The following RAB37 variants were observed in gnomAD, a reference collection of about 807,000 sequenced individuals.
RAB37 encodes RAB37, member RAS oncogene family.
Under a neutral mutation model 33.1 loss-of-function variants are expected in RAB37, and 29 were observed. That is an observed-to-expected ratio of 0.88 (90% CI 0.65 to 1.20). RAB37 has a LOEUF of 1.20. RAB37 is among the 50% of genes most tolerant of loss of function. The pLI is 0.00. For synonymous variants in RAB37, 128 were observed against 119.5 expected (o/e 1.07, Z -0.47); for missense variants, 299 against 301.1 (o/e 0.99, Z 0.05).
At chr17:74,680,067 G>C (rs943819104) in intron 1 of RAB37, among the ~76,000 whole-genome samples, 10 of 151,656 alleles carry the variant, frequency 6.6e-5, no homozygotes, top group South Asian at 2.1e-4. Context: ...CATTACAGCA[G>C]ACCCTTAGAT....
chr17:74,688,569 A>G (rs1313324555), intron 1 of RAB37, among the ~76,000 whole-genome samples: 1 of 151,680 alleles, frequency 6.6e-6, no homozygotes, highest in Non-Finnish European at 1.5e-5. Context: ...AAAAAAAAGA[A>G]AAGAAAAGAA....
At chr17:74,714,983 G>A (rs1444597426) in intron 1 of RAB37, among the ~76,000 whole-genome samples, 1 of 152,182 alleles carries the variant, frequency 6.6e-6, no homozygotes, top group Admixed American at 6.5e-5. Context: ...TTAGCCGGGT[G>A]TGGTGGTGGG....
chr17:74,731,081 T>C (rs1467397971), intron 2 of RAB37, among the ~76,000 whole-genome samples: 1 of 152,184 alleles, frequency 6.6e-6, no homozygotes, highest in East Asian at 1.9e-4. Flanking sequence ...AGTGAGGACC[T>C]GAGCCCCTGG....
intron 1 of RAB37, among the ~76,000 whole-genome samples, chr17:74,685,264 A>C (rs1206734695): frequency 1.3e-5 from 2 of 152,108 alleles, no homozygotes; most frequent in Non-Finnish European, 2.9e-5. Context: ...GGCTCACTGC[A>C]ACCTCTGCCT....
In RAB37 at chr17:74,703,245, C is replaced by A. The variant is rs749780; in HGVS notation, c.73-26011C>A. The stretch of plus-strand genomic sequence containing the variant: ...CTCTGAGCCTGGGCGGGGGTCTGGA[C>A]TGCTACTATGGGAAGGGGCTGCAGC... On this transcript the variant is annotated intron_variant, in intron 1 of 7. Coordinates refer to the RAB37 transcript ENST00000340415. 0.67 allele frequency: 613,072 copies of A among 918,594 alleles called. 216,342 individuals are homozygous for A. The highest frequency in any genetic ancestry group is 0.8 in the Middle Eastern group (2,282 of 2,840). The allele number at this position is 918,594 out of a possible 1,614,324, so 56.9% of individuals were successfully genotyped here.
In RAB37 at chr17:74,703,285, T is replaced by C. The variant is rs2033229364; in HGVS notation, c.73-25971T>C. 3 of 629,464 alleles carry C rather than the reference T, an allele frequency of 4.8e-6. No individual in the cohort carries two copies. In the South Asian group the frequency reaches 5.7e-5, roughly 12 times the overall value. The allele number at this position is 629,464 out of a possible 1,614,324, so 39.0% of individuals were successfully genotyped here. ...GGGGCTGCAGCCTGGACCACTCATG[T>C]CTCCCTGGTCTCTAGGAGACTCCAG... On this transcript the variant is annotated intron_variant, in intron 1 of 7. Transcript: ENST00000340415.
chr17:74,706,844 C>A (rs1211724835), intron 1 of RAB37, among the ~76,000 whole-genome samples: 1 of 152,134 alleles, frequency 6.6e-6, no homozygotes, highest in African/African-American at 2.4e-5. Context: ...AGCCCGGGTC[C>A]TGGGGAAAGA....
upstream of RAB37, chr17:74,737,214 G>GGGGGGGGGGGGGGGGGGGGGC: frequency 2.4e-6 from 3 of 1,244,944 alleles, no homozygotes; most frequent in Non-Finnish European, 3.4e-6. Flanking sequence ...CGGGGGTGGG[G>GGGGGGGGGGGGGGGGGGGGGC]CCGTTCCTGC....
At chr17:74,702,958 G>T in intron 1 of RAB37, 1 of 1,240,762 alleles carries the variant, frequency 8.1e-7, no homozygotes, top group Non-Finnish European at 1.2e-6. Flanking sequence ...GCTCAGGCTG[G>T]AAAATGGGAC....
Position 74,671,523 on chromosome 17 carries a change from C to A in RAB37, c.-64C>A. 1.3e-6 allele frequency: 2 copies of A among 1,535,978 alleles called. No individual in the cohort carries two copies. The highest frequency in any genetic ancestry group is 1.4e-5 in the African/African-American group (1 of 73,414). ...CTGCCGCACCCAGCGGAGCTCGAACCGAGCTCCTGGAAGCGCTGACGCAGA... is the reference window on the plus strand; with the variant it reads ...CTGCCGCACCCAGCGGAGCTCGAACAGAGCTCCTGGAAGCGCTGACGCAGA... On this transcript the variant is annotated 5_prime_UTR_variant, in exon 1 of 8. Transcript: ENST00000340415. The surrounding 1 kb of genome is among the most constrained non-coding windows in gnomAD (Gnocchi z 5.0).
At chr17:74,681,977 C>CT (rs2031964264) in intron 1 of RAB37, among the ~76,000 whole-genome samples, 1 of 152,220 alleles carries the variant, frequency 6.6e-6, no homozygotes, top group Admixed American at 6.5e-5. Flanking sequence ...GAGAACTGGG[C>CT]TTTGAGTACC....
In RAB37 at chr17:74,729,092, CTG is replaced by C. The variant is rs2034351352; in HGVS notation, c.73-162_73-161del. On this transcript the variant is annotated intron_variant, in intron 1 of 7. Coordinates refer to the RAB37 transcript ENST00000340415. The surrounding 1 kb of genome is among the most constrained non-coding windows in gnomAD (Gnocchi z 4.2). The stretch of plus-strand genomic sequence containing the variant: ...TATGTGTGTACATGTTTTTCTATGT[CTG>C]TATGTGTGTGTCAGTGTCTTGTGTG... Among the ~76,000 whole-genome samples the C allele has an allele frequency of 6.6e-6, 1 of 151,824 alleles. No homozygotes were observed. The highest frequency in any genetic ancestry group is 2.4e-5 in the African/African-American group (1 of 41,312).
chr17:74,726,287 C>T (rs993530576), intron 1 of RAB37, among the ~76,000 whole-genome samples: 3 of 150,968 alleles, frequency 2.0e-5, no homozygotes, highest in African/African-American at 7.3e-5. Flanking sequence ...TCCTGCCCCA[C>T]CCCGAGCCAA....
At chr17:74,712,131 C>G (rs1436233250) in intron 1 of RAB37, among the ~76,000 whole-genome samples, 1 of 151,836 alleles carries the variant, frequency 6.6e-6, no homozygotes, top group Non-Finnish European at 1.5e-5. Context: ...AAGCTGGTCT[C>G]GAATCCCTGA....
intron 1 of RAB37, among the ~76,000 whole-genome samples, chr17:74,711,815 T>G (rs569901162): frequency 1.3e-5 from 2 of 152,260 alleles, no homozygotes; most frequent in Admixed American, 1.3e-4. Context: ...TAACATATCA[T>G]CTTGTTCTGT....
Position 74,671,462 on chromosome 17 carries a change from C to G in RAB37, c.-125C>G. On this transcript the variant is annotated 5_prime_UTR_variant, in exon 1 of 8. Coordinates refer to the RAB37 transcript ENST00000340415. This position sits in a 1 kb window ranked among gnomAD's most constrained non-coding sequence, Gnocchi z 5.0. ...GCGGGGAACTGTCCAGTGCTGAAAACGGATGCGGCCCGGCCCGCAGAGCTC... is the reference window on the plus strand; with the variant it reads ...GCGGGGAACTGTCCAGTGCTGAAAAGGGATGCGGCCCGGCCCGCAGAGCTC... 1 of 862,090 alleles carries G rather than the reference C, an allele frequency of 1.2e-6. No individual in the cohort carries two copies. The highest frequency in any genetic ancestry group is 1.5e-5 in the South Asian group (1 of 66,650). 53.4% of individuals were successfully genotyped at this position (862,090 alleles called of 1,614,324 possible). A position where few individuals can be genotyped will look rare whatever the true frequency, so the allele number is the denominator to read the frequency against.
rs796282664 is a variant in RAB37 at position 74,678,319 on chromosome 17, A to G, written c.72+6661A>G. Among the ~76,000 whole-genome samples the G allele has an allele frequency of 1.9e-4, 29 of 152,144 alleles. 1 individual carries two copies. Among genetic ancestry groups the G allele is most frequent in the African/African-American group, 7.0e-4 (29 of 41,502 alleles). On this transcript the variant is annotated intron_variant, in intron 1 of 7. Transcript: ENST00000340415. The stretch of plus-strand genomic sequence containing the variant: ...ACAGATCTGGAAAATATTAACCCCT[A>G]ACTGATGACACCAGGCCTCACCCTG...
chr17:74,713,040 C>T, intron 1 of RAB37: 1 of 645,534 alleles, frequency 1.5e-6, no homozygotes, highest in Non-Finnish European at 2.7e-6. Context: ...GGCACCGTGG[C>T]TCAGGCCTGT....
chr17:74,699,066 C>T (rs2032791442), intron 1 of RAB37, among the ~76,000 whole-genome samples: 1 of 151,860 alleles, frequency 6.6e-6, no homozygotes, highest in African/African-American at 2.4e-5. Context: ...TTACAGGCAC[C>T]CACCACCACA....
Sources: gnomAD v4.1 joint callset for allele counts (sites outside exome capture counted in the v4.1 genomes callset) on GRCh38, gnomAD v4.1.1 for gene constraint, Gnocchi (gnomAD v3.1) non-coding constraint, MANE v1.5 for transcripts, NCBI Gene and HGNC (gene_info 2026-07-23, HGNC 2026-07-21) for gene names.